The following FSAF1 variants were observed in gnomAD, a reference collection of about 807,000 sequenced individuals.
FSAF1 encodes 40S small subunit processome assembly factor 1.
chr1:231,240,896 G>A, the FSAF1 span: 1 of 810,928 alleles, frequency 1.2e-6, no homozygotes, highest in Non-Finnish European at 2.1e-6. The surrounding 1 kb of genome is among the most constrained non-coding windows in gnomAD (Gnocchi z 4.1). Context: ...GAACCAGGTG[G>A]GACGAAGGGT....
At chr1:231,235,275 C>A in the FSAF1 span, among the ~76,000 whole-genome samples, 1 of 152,072 alleles carries the variant, frequency 6.6e-6, no homozygotes, top group Non-Finnish European at 1.5e-5. Context: ...CCAAGGAGGG[C>A]AGATCACGAG....
chr1:231,234,144 A>C, the FSAF1 span, among the ~76,000 whole-genome samples: 1 of 152,196 alleles, frequency 6.6e-6, no homozygotes, highest in Non-Finnish European at 1.5e-5. This position sits in a 1 kb window ranked among gnomAD's most constrained non-coding sequence, Gnocchi z 4.0. Flanking sequence ...AAATATTAGC[A>C]ATTCGCTATA....
the FSAF1 span, among the ~76,000 whole-genome samples, chr1:231,234,082 G>A: frequency 6.6e-6 from 1 of 152,152 alleles, no homozygotes; most frequent in Non-Finnish European, 1.5e-5. This position sits in a 1 kb window ranked among gnomAD's most constrained non-coding sequence, Gnocchi z 4.0. Flanking sequence ...TGAGGATTGA[G>A]ACCATAAATG....
the FSAF1 span, among the ~76,000 whole-genome samples, chr1:231,228,038 C>A: frequency 6.6e-6 from 1 of 152,182 alleles, no homozygotes; most frequent in African/African-American, 2.4e-5. Flanking sequence ...ATAATTTCAA[C>A]TGAAAAATAC....
chr1:231,224,466 GCATCACAGTACCACCAAC>G, the FSAF1 span: 1 of 1,544,252 alleles, frequency 6.5e-7, no homozygotes, highest in South Asian at 1.2e-5. Context: ...TTACCAACAA[GCATCACAGTACCACCAAC>G]CAGGCCACTG....
the FSAF1 span, among the ~76,000 whole-genome samples, chr1:231,233,819 G>A: frequency 1.3e-5 from 2 of 152,170 alleles, no homozygotes; most frequent in Admixed American, 6.5e-5. Flanking sequence ...CCACAGTGCC[G>A]GGATTAAAGG....
chr1:231,233,972 G>C, the FSAF1 span, among the ~76,000 whole-genome samples: 1 of 152,310 alleles, frequency 6.6e-6, no homozygotes, highest in East Asian at 1.9e-4. Flanking sequence ...TGGAATTGCA[G>C]ATATGGGGCT....
chr1:231,240,764 G>C, the FSAF1 span, among the ~76,000 whole-genome samples: 1 of 152,064 alleles, frequency 6.6e-6, no homozygotes, highest in African/African-American at 2.4e-5. The surrounding 1 kb of genome is among the most constrained non-coding windows in gnomAD (Gnocchi z 4.1). Flanking sequence ...GGAAAGCCTT[G>C]GTGCTTCCTA....
the FSAF1 span, chr1:231,227,194 C>G: frequency 1.0e-6 from 1 of 964,610 alleles, no homozygotes; most frequent in Non-Finnish European, 1.6e-6. Context: ...AATAATAACT[C>G]CACTGTCATG....
At chr1:231,225,716 T>C in the FSAF1 span, 1 of 603,654 alleles carries the variant, frequency 1.7e-6, no homozygotes. Context: ...GGGCCTGGCG[T>C]GGTGGCTCAT....
the FSAF1 span, among the ~76,000 whole-genome samples, chr1:231,229,481 T>C: frequency 1.3e-3 from 204 of 152,272 alleles, 3 homozygotes; most frequent in African/African-American, 4.8e-3. Context: ...AATAGAATGA[T>C]CATATGATCT....
chr1:231,240,818 G>T, the FSAF1 span, among the ~76,000 whole-genome samples: 1 of 152,172 alleles, frequency 6.6e-6, no homozygotes, highest in South Asian at 2.1e-4. This position sits in a 1 kb window ranked among gnomAD's most constrained non-coding sequence, Gnocchi z 4.1. Context: ...GAGTTGGAAG[G>T]TTTGATGAAT....
chr1:231,240,930 C>T, the FSAF1 span: 138 of 1,110,500 alleles, frequency 1.2e-4, 1 homozygote, highest in Admixed American at 2.4e-3. This position sits in a 1 kb window ranked among gnomAD's most constrained non-coding sequence, Gnocchi z 4.1. Flanking sequence ...GAACCTTTAG[C>T]CTCAAAGCAG....
the FSAF1 span, chr1:231,225,269 T>A: frequency 1.7e-6 from 1 of 583,950 alleles, no homozygotes; most frequent in Non-Finnish European, 3.1e-6. Flanking sequence ...AGTGGAAGAT[T>A]GGAGAAACTT....
At chr1:231,240,783 T>G in the FSAF1 span, among the ~76,000 whole-genome samples, 1 of 151,724 alleles carries the variant, frequency 6.6e-6, no homozygotes. The surrounding 1 kb of genome is among the most constrained non-coding windows in gnomAD (Gnocchi z 4.1). Context: ...TACAAGCAAG[T>G]AGGATGGTCC....
the FSAF1 span, among the ~76,000 whole-genome samples, chr1:231,228,590 C>T: frequency 7.3e-6 from 1 of 137,148 alleles, no homozygotes; most frequent in African/African-American, 2.8e-5. Context: ...CAGAGGGAGA[C>T]TCTGCCTCAA....
chr1:231,229,724 T>A, the FSAF1 span, among the ~76,000 whole-genome samples: 1 of 152,106 alleles, frequency 6.6e-6, no homozygotes, highest in Non-Finnish European at 1.5e-5. Flanking sequence ...TGATGCTAAG[T>A]GAAATAAGCC....
At chr1:231,229,261 T>C in the FSAF1 span, 21 of 1,203,424 alleles carry the variant, frequency 1.7e-5, no homozygotes, top group Non-Finnish European at 2.3e-5. Context: ...CATTATAGTA[T>C]CTATCACCGA....
chr1:231,224,725 T>C, the FSAF1 span: 1 of 316,824 alleles, frequency 3.2e-6, no homozygotes, highest in East Asian at 5.7e-5. Context: ...CTTCTCCCTG[T>C]GGTTTTCCTT....
Sources: gnomAD v4.1 joint callset for allele counts (sites outside exome capture counted in the v4.1 genomes callset) on GRCh38, gnomAD v4.1.1 for gene constraint, Gnocchi (gnomAD v3.1) non-coding constraint, MANE v1.5 for transcripts, NCBI Gene and HGNC (gene_info 2026-07-23, HGNC 2026-07-21) for gene names.